The following FOXN3 variants were observed in gnomAD, a reference collection of about 807,000 sequenced individuals.
The protein encoded by FOXN3 is forkhead box protein N3.
A neutral mutation model predicts 38.4 loss-of-function variants in FOXN3; 7 were observed. The ratio of observed to expected loss-of-function variants is 0.18; its 90% CI spans 0.10 to 0.34. FOXN3 has a LOEUF of 0.34. Ranked by LOEUF, FOXN3 falls within the 10% of genes least tolerant of loss-of-function variation. The probability of loss-of-function intolerance (pLI) is 1.00; values close to 1 mark genes in which losing one functional copy is unlikely to be tolerated. For synonymous variants in FOXN3, 230 were observed against 242.2 expected (o/e 0.95, Z 0.47); for missense variants, 456 against 613.4 (o/e 0.74, Z 2.71).
At chr14:89,560,145 G>T (rs1054374585) in intron 1 of FOXN3, among the ~76,000 whole-genome samples, 1 of 152,120 alleles carries the variant, frequency 6.6e-6, no homozygotes, top group Non-Finnish European at 1.5e-5. Context: ...GAGAGAGAAG[G>T]GGGGAGTGCT....
intron 1 of FOXN3, among the ~76,000 whole-genome samples, chr14:89,510,866 C>G (rs1232887414): frequency 6.6e-6 from 1 of 152,130 alleles, no homozygotes; most frequent in Non-Finnish European, 1.5e-5. Flanking sequence ...TCACTTGAAC[C>G]CGGGAGGCGG....
At chr14:89,400,270 C>T (rs964219494) in intron 2 of FOXN3, 5 of 152,166 alleles carry the variant, frequency 3.3e-5, no homozygotes, top group African/African-American at 1.2e-4. Context: ...AATACAATTT[C>T]CTGTAAGAAC....
At chr14:89,404,952 AAATAAT>A (rs1484410960) in intron 2 of FOXN3, among the ~76,000 whole-genome samples, 2 of 151,910 alleles carry the variant, frequency 1.3e-5, no homozygotes, top group East Asian at 1.9e-4. Flanking sequence ...TTATCCAAAA[AAATAAT>A]AATAATAAGT....
intron 1 of FOXN3, among the ~76,000 whole-genome samples, chr14:89,517,475 G>A (rs946456960): frequency 2.0e-5 from 3 of 152,192 alleles, no homozygotes; most frequent in Non-Finnish European, 1.5e-5. Context: ...AGGCAAAGGG[G>A]AAGCAGGCTC....
upstream of FOXN3, among the ~76,000 whole-genome samples, chr14:89,418,314 A>G (rs912197848): frequency 2.5e-4 from 38 of 151,960 alleles, no homozygotes; most frequent in Non-Finnish European, 5.4e-4. Context: ...ACCTGGAGAA[A>G]GCTTTCTAGC....
intron 2 of FOXN3, among the ~76,000 whole-genome samples, chr14:89,406,798 A>G (rs1891400800): frequency 6.6e-6 from 1 of 152,148 alleles, no homozygotes. Flanking sequence ...GCACAGAAAT[A>G]GAAATACACA....
chr14:89,391,103 G>A (rs1890933020), intron 2 of FOXN3, among the ~76,000 whole-genome samples: 2 of 152,202 alleles, frequency 1.3e-5, no homozygotes, highest in Non-Finnish European at 2.9e-5. Context: ...GCCAATTACA[G>A]AGGGTGAAAA....
chr14:89,555,881 G>GT (rs374731979), intron 1 of FOXN3, among the ~76,000 whole-genome samples: 48,506 of 114,346 alleles, frequency 0.42, 15,822 homozygotes, highest in Non-Finnish European at 0.66. Context: ...GTGTGTATGT[G>GT]GGGGTGTATG....
chr14:89,379,054 G>A (rs538932912), intron 2 of FOXN3, among the ~76,000 whole-genome samples: 2 of 152,296 alleles, frequency 1.3e-5, no homozygotes, highest in South Asian at 4.1e-4. Flanking sequence ...GAGGGTCAGG[G>A]CCAGAATCTT....
intron 2 of FOXN3, chr14:89,355,040 A>C (rs2140015636): frequency 6.6e-6 from 1 of 151,914 alleles, no homozygotes; most frequent in East Asian, 1.9e-4. Context: ...AATTACATGG[A>C]AAAATGAGTA....
chr14:89,427,237 AAAAAG>A (rs1892054498), intron 1 of FOXN3, among the ~76,000 whole-genome samples: 1 of 150,246 alleles, frequency 6.7e-6, no homozygotes, highest in Non-Finnish European at 1.5e-5. Context: ...TCAAAAAAAA[AAAAAG>A]AAAAGAGAAG....
At chr14:89,503,762 A>C (rs758199527) in intron 1 of FOXN3, among the ~76,000 whole-genome samples, 2 of 152,178 alleles carry the variant, frequency 1.3e-5, no homozygotes, top group African/African-American at 2.4e-5. Flanking sequence ...CTGTTTGGTC[A>C]CTGGTGAAGG....
chr14:89,419,418 G>T, upstream of FOXN3: 1 of 325,954 alleles, frequency 3.1e-6, no homozygotes, highest in Admixed American at 4.1e-5. Flanking sequence ...AATTCCCCAT[G>T]AACTTTCAGA....
intron 2 of FOXN3, among the ~76,000 whole-genome samples, chr14:89,397,306 G>A (rs971763974): frequency 6.6e-6 from 1 of 151,952 alleles, no homozygotes; most frequent in African/African-American, 2.4e-5. Flanking sequence ...TGGGAGGAGG[G>A]AGAAGATCAG....
chr14:89,229,998 G>C (rs944302874), intron 4 of FOXN3, among the ~76,000 whole-genome samples: 1 of 152,074 alleles, frequency 6.6e-6, no homozygotes, highest in South Asian at 2.1e-4. Context: ...TGAGAGACAG[G>C]GTACAACACC....
intron 1 of FOXN3, among the ~76,000 whole-genome samples, chr14:89,471,447 T>C (rs1893093132): frequency 6.6e-6 from 1 of 152,110 alleles, no homozygotes; most frequent in Non-Finnish European, 1.5e-5. Context: ...CTACAGTTTT[T>C]TTATATTTTT....
rs900966422 is a variant in FOXN3 at position 89,247,146 on chromosome 14, C to T, written c.745+33804G>A. ...TCCGTCCATTCATCCATCCATCCCT[C>T]CATCTCATAATTTTTCAAAATTCTC... is the stretch of plus-strand genomic sequence containing the variant. On this transcript the variant is annotated intron_variant, in intron 4 of 5. Transcript: ENST00000557258. Among the ~76,000 whole-genome samples the T allele has an allele frequency of 1.6e-4, 25 of 152,170 alleles. 1 individual carries two copies. Among genetic ancestry groups the T allele is most frequent in the Admixed American group, 1.3e-4 (2 of 15,274 alleles).
chr14:89,512,217 G>A (rs1157464294), intron 1 of FOXN3, among the ~76,000 whole-genome samples: 1 of 152,136 alleles, frequency 6.6e-6, no homozygotes, highest in Admixed American at 6.5e-5. Context: ...GAACTGAAGG[G>A]GAAGAGACTT....
At chr14:89,273,673 AC>A (rs1259457742) in intron 4 of FOXN3, among the ~76,000 whole-genome samples, 4 of 152,224 alleles carry the variant, frequency 2.6e-5, no homozygotes, top group African/African-American at 9.6e-5. Flanking sequence ...GCATGTTCTC[AC>A]TGACCACATA....
Sources: gnomAD v4.1 joint callset for allele counts (sites outside exome capture counted in the v4.1 genomes callset) on GRCh38, gnomAD v4.1.1 for gene constraint, MANE v1.5 for transcripts, NCBI Gene and HGNC (gene_info 2026-07-23, HGNC 2026-07-21) for gene names.